The following ZNF519 variants were observed in gnomAD, a reference collection of about 807,000 sequenced individuals.
ZNF519 encodes zinc finger protein 519.
Under a neutral mutation model 7.4 loss-of-function variants are expected in ZNF519, and 7 were observed. That is an observed-to-expected ratio of 0.94 (90% CI 0.54 to 1.77). The LOEUF is 1.77. ZNF519 is among the 40% of genes most tolerant of loss of function. ZNF519 has a pLI of 0.00. For missense variants in ZNF519, 586 were observed against 623.1 expected, an observed-to-expected ratio of 0.94 and a Z score of 0.63; for synonymous variants, 179 against 203.3, an observed-to-expected ratio of 0.88 and a Z score of 1.02.
Position 14,101,571 on chromosome 18 carries a change from C to A in ZNF519, c.*3346G>T. On this transcript the variant is annotated 3_prime_UTR_variant, in exon 3 of 3. Coordinates refer to ENST00000590202, the MANE Select transcript of ZNF519 (RefSeq NM_145287.4). ...ACTGTGGGTCACTCAATAGGGAAAG[C>A]CAAGGCACAAAGTCCTGTGAGTCAT... The A allele has an allele frequency of 2.5e-6, 1 of 397,840 alleles. No individual in the cohort carries two copies. The highest frequency in any genetic ancestry group is 4.4e-6 in the Non-Finnish European group (1 of 225,796). The allele number at this position is 397,840 out of a possible 1,614,324, so 24.6% of individuals were successfully genotyped here.
intron 2 of ZNF519, among the ~76,000 whole-genome samples, chr18:14,112,754 A>C (rs1374397555): frequency 6.6e-6 from 1 of 152,192 alleles, no homozygotes; most frequent in Non-Finnish European, 1.5e-5. Flanking sequence ...AACACTATAA[A>C]ACATTGATGC....
chr18:14,087,478 A>G (rs1035389597), intron 2 of ZNF519, among the ~76,000 whole-genome samples: 19 of 152,296 alleles, frequency 1.2e-4, no homozygotes, highest in African/African-American at 3.9e-4. Context: ...CACTCTAAAA[A>G]CCATGCTTCA....
intron 2 of ZNF519, among the ~76,000 whole-genome samples, chr18:14,093,108 A>G (rs1353783541): frequency 6.6e-6 from 1 of 152,198 alleles, no homozygotes; most frequent in Non-Finnish European, 1.5e-5. Context: ...CAAGAACGTG[A>G]CAGGCATTCC....
intron 2 of ZNF519, among the ~76,000 whole-genome samples, chr18:14,119,368 G>C (rs1365022695): frequency 6.6e-5 from 10 of 152,150 alleles, no homozygotes. Context: ...CGGTCTGTAG[G>C]TCTGCCTCCA....
intron 1 of ZNF519, among the ~76,000 whole-genome samples, chr18:14,128,725 A>ACACACAC (rs56225613): frequency 2.0e-5 from 3 of 148,586 alleles, no homozygotes; most frequent in Non-Finnish European, 3.0e-5. Context: ...ACACACACAC[A>ACACACAC]AAACCAAATG....
At chr18:14,120,254 G>A (rs2046264183) in intron 2 of ZNF519, among the ~76,000 whole-genome samples, 1 of 151,948 alleles carries the variant, frequency 6.6e-6, no homozygotes, top group Non-Finnish European at 1.5e-5. Flanking sequence ...TGCATACAAG[G>A]TCAACTAATC....
In ZNF519 at chr18:14,099,943, C is replaced by T. The variant is rs1019243536; in HGVS notation, c.*4974G>A. 6 of 152,060 alleles carry T rather than the reference C, an allele frequency of 3.9e-5. No individual in the cohort carries two copies. Among genetic ancestry groups the T allele is most frequent in the Non-Finnish European group, 8.8e-5 (6 of 67,992 alleles). 9.4% of individuals were successfully genotyped at this position (152,060 alleles called of 1,614,324 possible). A position where few individuals can be genotyped will look rare whatever the true frequency, so the allele number is the denominator to read the frequency against. The stretch of plus-strand genomic sequence containing the variant: ...GAAGAAAATCCTTGCAAATGTTTTT[C>T]TTTGTGGAAAAAAAACTTATTTATT... On this transcript the variant is annotated 3_prime_UTR_variant, in exon 3 of 3. Coordinates refer to ENST00000590202, the MANE Select transcript of ZNF519 (RefSeq NM_145287.4).
intron 2 of ZNF519, among the ~76,000 whole-genome samples, chr18:14,092,000 C>G (rs1456039054): frequency 6.6e-6 from 1 of 152,114 alleles, no homozygotes; most frequent in African/African-American, 2.4e-5. Flanking sequence ...GAGCTCTCAC[C>G]ATGATAAGAA....
intron 1 of ZNF519, among the ~76,000 whole-genome samples, chr18:14,128,724 C>CACAA (rs1482574287): frequency 2.1e-5 from 3 of 146,118 alleles, no homozygotes; most frequent in Non-Finnish European, 4.5e-5. Flanking sequence ...CACACACACA[C>CACAA]AAAACCAAAT....
intron 1 of ZNF519, among the ~76,000 whole-genome samples, chr18:14,125,155 C>T (rs2046292219): frequency 1.3e-5 from 2 of 152,158 alleles, no homozygotes; most frequent in Non-Finnish European, 2.9e-5. Flanking sequence ...TCCCTTATCC[C>T]AACACCCTTA....
intron 3 of ZNF519, chr18:14,082,211 A>G (rs1023631804): frequency 6.6e-6 from 1 of 152,172 alleles, no homozygotes; most frequent in Non-Finnish European, 1.5e-5. Flanking sequence ...AAATCAAAAG[A>G]TTAAAAATCA....
chr18:14,087,767 G>C (rs750385099), intron 2 of ZNF519, among the ~76,000 whole-genome samples: 2 of 152,160 alleles, frequency 1.3e-5, no homozygotes, highest in African/African-American at 2.4e-5. Flanking sequence ...AACATAAAAA[G>C]AGCATAGCTT....
At chr18:14,098,800 T>C (rs2046148111), downstream of ZNF519, among the ~76,000 whole-genome samples, 1 of 152,184 alleles carries the variant, frequency 6.6e-6, no homozygotes, top group Admixed American at 6.5e-5. Context: ...CATTTGTTAA[T>C]ATCTTGAGTC....
intron 1 of ZNF519, among the ~76,000 whole-genome samples, chr18:14,127,836 T>C (rs1436378127): frequency 2.0e-5 from 3 of 151,918 alleles, no homozygotes; most frequent in South Asian, 2.1e-4. Flanking sequence ...GTTTGAAGAT[T>C]TGGGGGGCAC....
chr18:14,119,504 G>A (rs796745353), intron 2 of ZNF519, among the ~76,000 whole-genome samples: 19 of 152,312 alleles, frequency 1.2e-4, no homozygotes, highest in African/African-American at 4.6e-4. Context: ...AAGTAAAAAT[G>A]TTACTGTTTG....
At chr18:14,071,239 T>C (rs1158857069), downstream of ZNF519, 2 of 152,052 alleles carry the variant, frequency 1.3e-5, no homozygotes, top group Non-Finnish European at 2.9e-5. Context: ...GTCATACTGG[T>C]TAAATATTCG....
intron 2 of ZNF519, among the ~76,000 whole-genome samples, chr18:14,113,670 G>A (rs2046232863): frequency 6.6e-6 from 1 of 151,648 alleles, no homozygotes; most frequent in South Asian, 2.1e-4. Flanking sequence ...GATTGGGGTT[G>A]CTAGGTAGTA....
In ZNF519 at chr18:14,101,412, A is replaced by C; in HGVS notation, c.*3505T>G. On this transcript the variant is annotated 3_prime_UTR_variant, in exon 3 of 3. Transcript: ENST00000590202. The stretch of plus-strand genomic sequence containing the variant: ...AAAAACACTCATGGTCATAACATGA[A>C]GTGAAAGTAAAATATAAATAATTTT... The C allele has an allele frequency of 3.0e-6, 1 of 332,884 alleles. No individual in the cohort carries two copies. Among genetic ancestry groups the C allele is most frequent in the Non-Finnish European group, 5.4e-6 (1 of 185,110 alleles). The allele number at this position is 332,884 out of a possible 1,614,324, so 20.6% of individuals were successfully genotyped here.
At chr18:14,125,112 C>G (rs2046291867) in intron 1 of ZNF519, among the ~76,000 whole-genome samples, 1 of 152,158 alleles carries the variant, frequency 6.6e-6, no homozygotes, top group Admixed American at 6.5e-5. Context: ...CATTATAGTA[C>G]CACTCAGCTA....
Sources: gnomAD v4.1 joint callset for allele counts (sites outside exome capture counted in the v4.1 genomes callset) on GRCh38, gnomAD v4.1.1 for gene constraint, MANE v1.5 for transcripts, NCBI Gene and HGNC (gene_info 2026-07-23, HGNC 2026-07-21) for gene names.